INPP5D: variants seen among roughly 807,000 people sequenced by gnomAD.
INPP5D encodes phosphatidylinositol 3,4,5-trisphosphate 5-phosphatase 1.
INPP5D carries 33 observed loss-of-function variants against 122.9 expected under a neutral mutation model. That is an observed-to-expected ratio of 0.27 (90% CI 0.20 to 0.36). The LOEUF is 0.36. Ranked by LOEUF, INPP5D falls within the 10% of genes least tolerant of loss-of-function variation. The pLI is 1.00. For missense variants in INPP5D, 1,053 were observed against 1,412.7 expected, an observed-to-expected ratio of 0.75 and a Z score of 4.08; for synonymous variants, 584 against 576.2, an observed-to-expected ratio of 1.01 and a Z score of -0.19.
chr2:233,201,011 GAT>G (rs1375670123), intron 25 of INPP5D, among the ~76,000 whole-genome samples: 2 of 135,896 alleles, frequency 1.5e-5, no homozygotes, highest in East Asian at 4.2e-4. Flanking sequence ...TAAATAAATA[GAT>G]GAGAGGAAGT....
intron 5 of INPP5D, among the ~76,000 whole-genome samples, chr2:233,134,685 T>C (rs142704945): frequency 1.3e-5 from 2 of 152,192 alleles, no homozygotes; most frequent in Admixed American, 1.3e-4. Flanking sequence ...ACTGGAAATA[T>C]TTGGTAACTC....
At chr2:233,112,227 C>G (rs1692652171) in intron 2 of INPP5D, among the ~76,000 whole-genome samples, 1 of 152,152 alleles carries the variant, frequency 6.6e-6, no homozygotes, top group African/African-American at 2.4e-5. Flanking sequence ...AATTGGCATT[C>G]CACTGTGGGG....
At position 233,100,178 on chromosome 2, in the gene INPP5D, T is replaced by C. The variant is rs1325943058; in HGVS notation, c.198+20780T>C. ...CTTTCAATGGGGCAGTTCTCTTTGA[T>C]GTGTCACCATCCCCACCTCGCCCTG... On this transcript the variant is annotated intron_variant, in intron 2 of 26. Transcript: ENST00000445964. The surrounding 1 kb of genome is among the most constrained non-coding windows in gnomAD (Gnocchi z 5.3). Among the ~76,000 whole-genome samples, 1 of 152,324 alleles carries C rather than the reference T, an allele frequency of 6.6e-6. No homozygotes were observed. Among genetic ancestry groups the C allele is most frequent in the Middle Eastern group, 3.4e-3 (1 of 294 alleles).
intron 2 of INPP5D, among the ~76,000 whole-genome samples, chr2:233,113,819 G>A (rs544878224): frequency 4.2e-4 from 64 of 152,124 alleles, no homozygotes; most frequent in Admixed American, 2.3e-3. Context: ...CGTCCACACC[G>A]TAGCCGAGGT....
intron 2 of INPP5D, among the ~76,000 whole-genome samples, chr2:233,121,121 C>CTTTTTTTTTTTT (rs369587747): frequency 1.7e-5 from 2 of 117,652 alleles, no homozygotes; most frequent in Non-Finnish European, 1.8e-5. Flanking sequence ...TTCTTTCTTT[C>CTTTTTTTTTTTT]TTTTTTTTTT....
intron 1 of INPP5D, among the ~76,000 whole-genome samples, chr2:233,063,445 A>T (rs753340057): frequency 1.2e-4 from 18 of 152,240 alleles, no homozygotes; most frequent in African/African-American, 3.9e-4. Flanking sequence ...AACTGAGAGC[A>T]GCCTCACCAG....
chr2:233,134,001 G>T (rs748175103), intron 5 of INPP5D: 1 of 456,238 alleles, frequency 2.2e-6, no homozygotes, highest in Non-Finnish European at 4.4e-6. Flanking sequence ...GAACTGGTGT[G>T]ACCTGGGACA....
In INPP5D at chr2:233,077,857, C is replaced by T. The variant is rs1329897035; in HGVS notation, c.135-1478C>T. ...CCTGAGTGACAGAGTGAGACTCCGT[C>T]TCAAAAAAAAAAAAAAAAAATCTAG... On this transcript the variant is annotated intron_variant, in intron 1 of 26. Transcript: ENST00000445964. Among the ~76,000 whole-genome samples the T allele has an allele frequency of 6.6e-5, 4 of 60,446 alleles. No homozygotes were observed. The East Asian group carries it at 1.7e-3, about 25-fold the overall frequency. The allele number at this position is 60,446 out of a possible 152,430, so 39.7% of individuals were successfully genotyped here. A position where few individuals can be genotyped will look rare whatever the true frequency, so the allele number is the denominator to read the frequency against.
intron 18 of INPP5D, among the ~76,000 whole-genome samples, chr2:233,178,200 G>T (rs555670434): frequency 1.3e-5 from 2 of 152,136 alleles, no homozygotes; most frequent in African/African-American, 4.8e-5. Context: ...AATAGGCTGA[G>T]GGGGGAGGAT....
At chr2:233,068,268 A>G (rs1237772036) in intron 1 of INPP5D, among the ~76,000 whole-genome samples, 38 of 117,318 alleles carry the variant, frequency 3.2e-4, no homozygotes, top group Admixed American at 3.1e-3. Flanking sequence ...CTGGGCAACA[A>G]GAGTGAAACT....
At chr2:233,068,610 C>T (rs192840473) in intron 1 of INPP5D, among the ~76,000 whole-genome samples, 39 of 152,044 alleles carry the variant, frequency 2.6e-4, no homozygotes, top group Non-Finnish European at 4.9e-4. Flanking sequence ...AAAAATCGTG[C>T]TGGCAATTAG....
chr2:233,166,638 C>T (rs1481086015), intron 13 of INPP5D, among the ~76,000 whole-genome samples: 3 of 152,196 alleles, frequency 2.0e-5, no homozygotes, highest in Non-Finnish European at 2.9e-5. Context: ...GGGCCAGCCT[C>T]CCTCCTCCAC....
intron 2 of INPP5D, among the ~76,000 whole-genome samples, chr2:233,109,833 G>A (rs113860901): frequency 9.3e-5 from 14 of 150,142 alleles, no homozygotes; most frequent in African/African-American, 2.0e-4. Flanking sequence ...TGAACCACCC[G>A]CCTCAGCCTC....
chr2:233,073,195 G>A (rs552515950), intron 1 of INPP5D, among the ~76,000 whole-genome samples: 5 of 152,332 alleles, frequency 3.3e-5, no homozygotes, highest in African/African-American at 7.2e-5. Flanking sequence ...CGCTGGGGGA[G>A]GGGAGGCAGG....
At position 233,206,378 on chromosome 2, in the gene INPP5D, G is replaced by T. The variant is rs539798897; in HGVS notation, c.3568-328G>T. Among the ~76,000 whole-genome samples, 15 of 151,242 alleles carry T rather than the reference G, an allele frequency of 9.9e-5. No homozygotes were observed. The East Asian group carries it at 2.9e-3, about 29-fold the overall frequency. ...TATATTTTATATATATATATGGTAC[G>T]TACCTGGGTGTGGTGCCATGCACCT... On this transcript the variant is annotated intron_variant, in intron 26 of 26. Transcript: ENST00000445964. This position sits in a 1 kb window ranked among gnomAD's most constrained non-coding sequence, Gnocchi z 4.0.
intron 13 of INPP5D, among the ~76,000 whole-genome samples, chr2:233,167,210 A>G (rs1025064499): frequency 1.4e-5 from 2 of 144,392 alleles, no homozygotes; most frequent in African/African-American, 5.3e-5. Flanking sequence ...ATTTCTACAA[A>G]AAAAAAAAAA....
At chr2:233,154,990 C>A (rs1350226876) in intron 9 of INPP5D, among the ~76,000 whole-genome samples, 1 of 152,162 alleles carries the variant, frequency 6.6e-6, no homozygotes, top group Non-Finnish European at 1.5e-5. Flanking sequence ...GCCTGCCACA[C>A]CGGGATTACA....
chr2:233,142,688 G>A (rs1172959383), intron 6 of INPP5D, among the ~76,000 whole-genome samples: 2 of 152,174 alleles, frequency 1.3e-5, no homozygotes, highest in Non-Finnish European at 2.9e-5. Flanking sequence ...CCCTTGGATG[G>A]TTAACCTGCC....
At chr2:233,063,359 C>T (rs767355596) in intron 1 of INPP5D, among the ~76,000 whole-genome samples, 1 of 152,246 alleles carries the variant, frequency 6.6e-6, no homozygotes, top group African/African-American at 2.4e-5. Flanking sequence ...CCCTCCCAGG[C>T]CCCCTCTGGT....
Sources: allele counts gnomAD v4.1 joint callset (sites outside exome capture counted in the v4.1 genomes callset), GRCh38; gene constraint gnomAD v4.1.1; non-coding constraint Gnocchi (gnomAD v3.1); transcripts MANE v1.5; gene names NCBI Gene and HGNC (gene_info 2026-07-23, HGNC 2026-07-21).